The following ARIH1 variants were observed in gnomAD, a reference collection of about 807,000 sequenced individuals.
ARIH1 encodes the protein E3 ubiquitin-protein ligase ARIH1.
A neutral mutation model predicts 85.0 loss-of-function variants in ARIH1; 8 were observed. The observed-to-expected ratio is 0.09, with a 90% confidence interval of 0.06 to 0.17. The LOEUF is 0.17. Among genes scored for constraint, ARIH1 ranks in the 10% least tolerant of loss-of-function variants. The pLI, the probability that ARIH1 is intolerant of heterozygous loss-of-function variation, is 1.00. For synonymous variants in ARIH1, 238 were observed against 253.6 expected (o/e 0.94, Z 0.59); for missense variants, 311 against 718.1 (o/e 0.43, Z 6.48).
chr15:72,507,386 G>A (rs2063930722), intron 1 of ARIH1, among the ~76,000 whole-genome samples: 1 of 152,172 alleles, frequency 6.6e-6, no homozygotes, highest in South Asian at 2.1e-4. Context: ...CTGCACACAT[G>A]TGTGCATCCA....
chr15:72,561,062 C>G (rs2064195426), intron 5 of ARIH1, among the ~76,000 whole-genome samples: 1 of 152,132 alleles, frequency 6.6e-6, no homozygotes. Flanking sequence ...CTTAACATTT[C>G]TGGCAACAAT....
intron 2 of ARIH1, among the ~76,000 whole-genome samples, chr15:72,538,368 A>G (rs942326413): frequency 6.6e-6 from 1 of 152,202 alleles, no homozygotes; most frequent in Non-Finnish European, 1.5e-5. Context: ...TCCCCCGCAA[A>G]TAAATAAGTA....
rs1001270303 is a variant in ARIH1, at chr15:72,602,639, T to A, written c.*19347T>A. On this transcript the variant is annotated 3_prime_UTR_variant, in exon 14 of 14. Coordinates refer to ENST00000379887, the MANE Select transcript of ARIH1 (RefSeq NM_005744.5). ...TTACTGAAAATTGGAAGTCTTAAGG[T>A]GTAGTCTATTTTATGCAGTGTGAGG... The A allele has an allele frequency of 2.0e-5, 3 of 152,190 alleles. No homozygotes were observed. The highest frequency in any genetic ancestry group is 7.2e-5 in the African/African-American group (3 of 41,440). The allele number at this position is 152,190 out of a possible 1,614,324, so 9.4% of individuals were successfully genotyped here.
rs2064313490 is a variant in ARIH1 at position 72,585,731 on chromosome 15, T to G, written c.*2439T>G. On this transcript the variant is annotated 3_prime_UTR_variant, in exon 14 of 14. Coordinates refer to ENST00000379887, the MANE Select transcript of ARIH1 (RefSeq NM_005744.5). ...TGAGGGTATTGCAGTTGTGGGTGCA[T>G]TCCCTAATTTGTATGATCAAGATGA... 1 of 152,178 alleles carries G rather than the reference T, an allele frequency of 6.6e-6. No homozygotes were observed. Among genetic ancestry groups the G allele is most frequent in the Non-Finnish European group, 1.5e-5 (1 of 68,036 alleles). The allele number at this position is 152,178 out of a possible 1,614,324, so 9.4% of individuals were successfully genotyped here. A position where few individuals can be genotyped will look rare whatever the true frequency, so the allele number is the denominator to read the frequency against.
At chr15:72,522,143 A>C (rs1190555994) in intron 2 of ARIH1, among the ~76,000 whole-genome samples, 3 of 152,226 alleles carry the variant, frequency 2.0e-5, no homozygotes, top group Non-Finnish European at 4.4e-5. Flanking sequence ...AATAATGAGA[A>C]TACAAAGATG....
chr15:72,492,759 T>C (rs1031302401), intron 1 of ARIH1, among the ~76,000 whole-genome samples: 1 of 152,210 alleles, frequency 6.6e-6, no homozygotes, highest in Admixed American at 6.5e-5. Flanking sequence ...TATGATAATG[T>C]ATGAAGCTTG....
rs2064306020 is a variant in ARIH1, at chr15:72,584,076, G to A, written c.*784G>A. On this transcript the variant is annotated 3_prime_UTR_variant, in exon 14 of 14. Transcript: ENST00000379887. ...CCCGGGTTGGGGTTGGGATAAAGGT[G>A]TGTCGGTTTAGCACCTCTGGAAGAC... The A allele has an allele frequency of 6.6e-6, 1 of 152,188 alleles. No individual in the cohort carries two copies. Among genetic ancestry groups the A allele is most frequent in the South Asian group, 2.1e-4 (1 of 4,834 alleles). 9.4% of individuals were successfully genotyped at this position (152,188 alleles called of 1,614,324 possible).
At chr15:72,580,569 CTTCT>C (rs1371288935) in intron 11 of ARIH1, 158 bp from the exon 12 acceptor site, 78 of 681,110 alleles carry the variant, frequency 1.1e-4, no homozygotes, top group Non-Finnish European at 1.4e-4. Context: ...CAAGAGTCTC[CTTCT>C]TTCTTTATCT....
Position 72,474,692 on chromosome 15 carries a change from G to A in ARIH1, c.53G>A (p.Ser18Asn). ...NYEFDEDEEC[S>N]EEDSGAEEEE... is the part of the protein sequence containing the mutation. ...GAGTTCGACGAGGACGAGGAGTGCA[G>A]TGAGGAGGACAGCGGCGCCGAGGAG... Residue 18 changes from serine (S) to asparagine (N), a missense_variant, in exon 1 of 14, where the codon AGT becomes AAT. This residue lies in a region of ARIH1 where 157 missense variants were observed against 185.1 expected (regional missense o/e 0.85). Transcript: ENST00000379887. 6.3e-7 allele frequency: 1 copy of A among 1,575,726 alleles called. No homozygotes were observed.
At chr15:72,501,687 A>C (rs2063904805) in intron 1 of ARIH1, among the ~76,000 whole-genome samples, 1 of 152,232 alleles carries the variant, frequency 6.6e-6, no homozygotes. Context: ...GTTGGAACCC[A>C]GAAGTGAGTA....
At chr15:72,506,555 C>T (rs950882151) in intron 1 of ARIH1, among the ~76,000 whole-genome samples, 8 of 151,694 alleles carry the variant, frequency 5.3e-5, no homozygotes, top group Admixed American at 2.0e-4. Flanking sequence ...ATAAATATTC[C>T]TTAGAATACA....
chr15:72,579,139 A>G (rs2140439537), intron 11 of ARIH1, among the ~76,000 whole-genome samples: 1 of 152,288 alleles, frequency 6.6e-6, no homozygotes, highest in Non-Finnish European at 1.5e-5. Context: ...AGGTCCACAA[A>G]TTGGATTTAA....
intron 3 of ARIH1, among the ~76,000 whole-genome samples, chr15:72,545,960 T>C (rs1000462016): frequency 3.3e-5 from 5 of 152,266 alleles, no homozygotes; most frequent in Admixed American, 1.3e-4. Context: ...GTCTTGTTCA[T>C]ATTCTCTGCT....
chr15:72,478,700 T>A (rs1470178141), intron 1 of ARIH1, among the ~76,000 whole-genome samples: 1 of 152,182 alleles, frequency 6.6e-6, no homozygotes, highest in African/African-American at 2.4e-5. Flanking sequence ...CCTTAGCATC[T>A]CTGTATTTTA....
intron 1 of ARIH1, among the ~76,000 whole-genome samples, chr15:72,512,036 TTATCCTTTTTATATATTGC>T (rs1305288453): frequency 6.6e-6 from 1 of 152,196 alleles, no homozygotes; most frequent in Admixed American, 6.5e-5. Flanking sequence ...TGTGGTGTAA[TTATCCTTTTTATATATTGC>T]TAGATTGTAT....
intron 1 of ARIH1, 139 bp from the exon 2 acceptor site, chr15:72,517,928 C>T (rs762724294): frequency 1.8e-5 from 11 of 595,236 alleles, no homozygotes; most frequent in Non-Finnish European, 3.2e-5. Flanking sequence ...AATATATTTC[C>T]TTAGAGGAAT....
chr15:72,499,310 TTTG>T (rs933872361), intron 1 of ARIH1, among the ~76,000 whole-genome samples: 3 of 151,864 alleles, frequency 2.0e-5, no homozygotes, highest in African/African-American at 2.4e-5. Flanking sequence ...CTTTCTCCAG[TTTG>T]TTATTTGTAA....
At chr15:72,517,971 G>C in intron 1 of ARIH1, 96 bp from the exon 2 acceptor site, 1 of 784,748 alleles carries the variant, frequency 1.3e-6, no homozygotes, top group Non-Finnish European at 2.1e-6. Flanking sequence ...AAATTTGGGT[G>C]GAGTATTGTG....
chr15:72,499,762 C>T (rs906900457), intron 1 of ARIH1, among the ~76,000 whole-genome samples: 2 of 152,128 alleles, frequency 1.3e-5, no homozygotes, highest in African/African-American at 4.8e-5. Flanking sequence ...ATCAGGATGG[C>T]TTTCCCTGTA....
Sources: gnomAD v4.1 joint callset for allele counts (sites outside exome capture counted in the v4.1 genomes callset) on GRCh38, gnomAD v4.1.1 for gene constraint, gnomAD v4.1.1 regional missense constraint, MANE v1.5 for transcripts, NCBI Gene and HGNC (gene_info 2026-07-23, HGNC 2026-07-21) for gene names.